TRDN: variants seen among roughly 807,000 people sequenced by gnomAD.
The protein encoded by TRDN is triadin in skeletal muscle.
In TRDN, 161 loss-of-function variants were observed where a neutral mutation model predicts 149.7. The ratio of observed to expected loss-of-function variants is 1.08; its 90% CI spans 0.95 to 1.23. TRDN has a LOEUF of 1.23. Among genes scored for constraint, TRDN ranks in the 50% most tolerant of loss-of-function variants. The pLI, the probability that TRDN is intolerant of heterozygous loss-of-function variation, is 0.00. For synonymous variants in TRDN, 294 were observed against 250.5 expected (o/e 1.17, Z -1.64); for missense variants, 896 against 823.5 (o/e 1.09, Z -1.08).
intron 4 of TRDN, among the ~76,000 whole-genome samples, chr6:123,543,400 A>C (rs1456718011): frequency 6.6e-6 from 1 of 152,192 alleles, no homozygotes; most frequent in South Asian, 2.1e-4. Context: ...ATTGAAAAAA[A>C]TACATTTGTT....
chr6:123,565,903 G>T (rs1229472634), intron 2 of TRDN, among the ~76,000 whole-genome samples: 1 of 152,194 alleles, frequency 6.6e-6, no homozygotes, highest in African/African-American at 2.4e-5. Context: ...GTTCTTGTCA[G>T]TTTCAGTTTG....
intron 40 of TRDN, 79 bp from the exon 41 acceptor site, chr6:123,218,819 A>G: frequency 7.0e-7 from 1 of 1,434,514 alleles, no homozygotes; most frequent in South Asian, 1.4e-5. Context: ...GCAGTGCAGC[A>G]GATAAGGTCA....
At chr6:123,479,583 G>T (rs1276875513) in intron 9 of TRDN, among the ~76,000 whole-genome samples, 1 of 152,076 alleles carries the variant, frequency 6.6e-6, no homozygotes, top group Non-Finnish European at 1.5e-5. Flanking sequence ...AAACAAAATG[G>T]ATGACTTGCC....
At chr6:123,417,815 G>A (rs1773718809) in intron 12 of TRDN, among the ~76,000 whole-genome samples, 2 of 152,104 alleles carry the variant, frequency 1.3e-5, no homozygotes, top group South Asian at 4.2e-4. Flanking sequence ...TTGCCCTGTG[G>A]ACAAAGAAGA....
intron 20 of TRDN, among the ~76,000 whole-genome samples, chr6:123,363,415 G>A (rs1016424828): frequency 1.3e-5 from 2 of 152,106 alleles, no homozygotes; most frequent in Non-Finnish European, 2.9e-5. Context: ...TTGTCAAATT[G>A]GTAAAACCCT....
intron 23 of TRDN, among the ~76,000 whole-genome samples, chr6:123,325,867 T>C (rs745890936): frequency 3.9e-5 from 6 of 152,106 alleles, no homozygotes; most frequent in Non-Finnish European, 8.8e-5. Flanking sequence ...ACACAACACA[T>C]ACTCCTTCAA....
chr6:123,322,341 T>A (rs1779270926), intron 23 of TRDN, among the ~76,000 whole-genome samples: 1 of 152,110 alleles, frequency 6.6e-6, no homozygotes, highest in East Asian at 1.9e-4. Flanking sequence ...CAGTTTGAAA[T>A]TTATTTCCTT....
At chr6:123,460,344 T>G (rs776382831) in intron 10 of TRDN, among the ~76,000 whole-genome samples, 2 of 152,204 alleles carry the variant, frequency 1.3e-5, no homozygotes, top group African/African-American at 2.4e-5. Flanking sequence ...GTATAAGAAA[T>G]TTCCTGATGT....
chr6:123,337,715 G>T, intron 21 of TRDN, 46 bp from the exon 22 acceptor site: 1 of 1,162,218 alleles, frequency 8.6e-7, no homozygotes, highest in Non-Finnish European at 1.2e-6. Context: ...GAATAAGAGA[G>T]GAAAAAAATG....
intron 37 of TRDN, 156 bp downstream of exon 37, chr6:123,254,925 T>G: frequency 1.7e-6 from 1 of 584,796 alleles, no homozygotes; most frequent in Non-Finnish European, 3.2e-6. Context: ...ATATAAGCTT[T>G]CTGCTAGATT....
intron 12 of TRDN, among the ~76,000 whole-genome samples, chr6:123,431,969 C>T (rs540048247): frequency 2.6e-5 from 4 of 152,144 alleles, no homozygotes; most frequent in African/African-American, 7.2e-5. Context: ...AAGCAAATAG[C>T]CAAAGGTTTT....
At chr6:123,228,852 A>G (rs984605562) in intron 38 of TRDN, among the ~76,000 whole-genome samples, 9 of 151,902 alleles carry the variant, frequency 5.9e-5, no homozygotes, top group African/African-American at 2.2e-4. Flanking sequence ...AGGAGAAGGC[A>G]TTCCACTAAC....
chr6:123,246,090 G>A (rs975040568), intron 38 of TRDN, among the ~76,000 whole-genome samples: 3 of 152,118 alleles, frequency 2.0e-5, no homozygotes, highest in African/African-American at 7.2e-5. Flanking sequence ...ATAAAGCAGT[G>A]TTTAGAGGGA....
intron 4 of TRDN, among the ~76,000 whole-genome samples, chr6:123,546,013 TC>T (rs1362873245): frequency 2.6e-5 from 4 of 152,136 alleles, no homozygotes; most frequent in Non-Finnish European, 4.4e-5. Flanking sequence ...TTATCTGTTT[TC>T]CCTTCTTCCA....
chr6:123,370,441 C>T (rs1314698836), intron 19 of TRDN, among the ~76,000 whole-genome samples: 1 of 152,090 alleles, frequency 6.6e-6, no homozygotes, highest in Non-Finnish European at 1.5e-5. Context: ...ACTTTAACTG[C>T]TGTCTAGCAT....
chr6:123,220,988 A>T (rs1207070152), intron 40 of TRDN, among the ~76,000 whole-genome samples: 1 of 151,858 alleles, frequency 6.6e-6, no homozygotes, highest in African/African-American at 2.4e-5. Context: ...ATGAATATTG[A>T]TTGGATTCTA....
intron 12 of TRDN, among the ~76,000 whole-genome samples, chr6:123,434,548 G>T (rs536640096): frequency 1.1e-4 from 17 of 152,218 alleles, no homozygotes; most frequent in Admixed American, 1.1e-3. Flanking sequence ...TTTGATTTCA[G>T]TTATTTTAGT....
At position 123,421,805 on chromosome 6, in the gene TRDN, C is replaced by CAAAAA. The variant is rs56022131; in HGVS notation, c.1051+16253_1051+16257dup. Among the ~76,000 whole-genome samples, 103 of 92,642 alleles carry CAAAAA rather than the reference C, an allele frequency of 1.1e-3. 11 individuals are homozygous for CAAAAA. The highest frequency in any genetic ancestry group is 1.3e-3 in the Non-Finnish European group (62 of 47,444). 60.8% of individuals were successfully genotyped at this position (92,642 alleles called of 152,430 possible). A position where few individuals can be genotyped will look rare whatever the true frequency, so the allele number is the denominator to read the frequency against. ...TCAACAGAGTGAGACCCTTTCTCTA[C>CAAAAA]AAAAAAAAAAAAAAAAAAATTGGCC... On this transcript the variant is annotated intron_variant, in intron 12 of 40. Transcript: ENST00000334268.
chr6:123,479,240 T>C (rs1222211519), intron 9 of TRDN, among the ~76,000 whole-genome samples: 6 of 152,180 alleles, frequency 3.9e-5, no homozygotes, highest in Admixed American at 2.0e-4. Context: ...TCATTTATAG[T>C]TCTAGACCAA....
Sources: allele counts gnomAD v4.1 joint callset (sites outside exome capture counted in the v4.1 genomes callset), GRCh38; gene constraint gnomAD v4.1.1; transcripts MANE v1.5; gene names NCBI Gene and HGNC (gene_info 2026-07-23, HGNC 2026-07-21).